The following RTN1 variants were observed in gnomAD, a reference collection of about 807,000 sequenced individuals.
RTN1 encodes reticulon-1.
RTN1 carries 25 observed loss-of-function variants against 65.5 expected under a neutral mutation model. The ratio of observed to expected loss-of-function variants is 0.38; its 90% confidence interval spans 0.28 to 0.53. The LOEUF is 0.53. Ranked by LOEUF, RTN1 falls within the 20% of genes least tolerant of loss-of-function variation. The probability of loss-of-function intolerance (pLI) is 0.79; values close to 1 mark genes in which losing one functional copy is unlikely to be tolerated. For missense variants in RTN1, 983 were observed against 1,025.4 expected, an observed-to-expected ratio of 0.96 and a Z score of 0.57; for synonymous variants, 471 against 447.6, an observed-to-expected ratio of 1.05 and a Z score of -0.66.
At chr14:59,620,303 C>G (rs1314397259) in intron 3 of RTN1, among the ~76,000 whole-genome samples, 2 of 152,062 alleles carry the variant, frequency 1.3e-5, no homozygotes, top group Non-Finnish European at 2.9e-5. Flanking sequence ...TCAAGAGGTT[C>G]CTGAGACTAA....
At chr14:59,700,261 T>C (rs138255040) in intron 3 of RTN1, among the ~76,000 whole-genome samples, 3 of 152,270 alleles carry the variant, frequency 2.0e-5, no homozygotes, top group East Asian at 3.9e-4. Flanking sequence ...AGATTTCTTA[T>C]GTTCATGAAT....
intron 1 of RTN1, among the ~76,000 whole-genome samples, chr14:59,765,202 T>G (rs1885827621): frequency 6.6e-6 from 1 of 152,030 alleles, no homozygotes; most frequent in South Asian, 2.1e-4. Flanking sequence ...GCAGATACTC[T>G]GAAAAAATAG....
chr14:59,723,805 A>G (rs765181941), intron 3 of RTN1, among the ~76,000 whole-genome samples: 2 of 152,148 alleles, frequency 1.3e-5, no homozygotes, highest in Admixed American at 1.3e-4. Context: ...CAAGCCACAC[A>G]CTTTTGAGTT....
chr14:59,680,451 A>G lies in RTN1; in HGVS notation c.1765+46468T>C, dbSNP rs114056584. Reference sequence around the variant, plus strand: ...AGTTGTCATTGTTTACAATAAGTCTATCTTTACTAATTTGAGCTAATCAGT... The same window carrying G: ...AGTTGTCATTGTTTACAATAAGTCTGTCTTTACTAATTTGAGCTAATCAGT... On this transcript the variant is annotated intron_variant, in intron 3 of 8. Transcript: ENST00000267484. 6.7e-3 allele frequency among the ~76,000 whole-genome samples: 1,015 copies of G among 152,352 alleles called. 11 individuals carry two copies. Among genetic ancestry groups the G allele is most frequent in the African/African-American group, 0.023 (961 of 41,582 alleles).
intron 1 of RTN1, among the ~76,000 whole-genome samples, chr14:59,756,626 A>G (rs1013006344): frequency 3.3e-5 from 5 of 152,168 alleles, no homozygotes; most frequent in African/African-American, 1.2e-4. Flanking sequence ...CTTTCTATTT[A>G]TCATTTACTG....
intron 1 of RTN1, among the ~76,000 whole-genome samples, chr14:59,761,175 AT>A (rs1179730292): frequency 2.0e-5 from 3 of 152,218 alleles, no homozygotes; most frequent in Non-Finnish European, 4.4e-5. Context: ...TTTGAAAGAC[AT>A]TAAAGTCAGA....
intron 1 of RTN1, among the ~76,000 whole-genome samples, chr14:59,750,251 TATATA>T (rs1183063827): frequency 6.5e-5 from 3 of 46,056 alleles, no homozygotes; most frequent in Non-Finnish European, 9.4e-5. Context: ...ATATCTATAA[TATATA>T]ATATATATAA....
At chr14:59,797,915 T>A (rs960208806) in intron 1 of RTN1, among the ~76,000 whole-genome samples, 1 of 152,184 alleles carries the variant, frequency 6.6e-6, no homozygotes. Flanking sequence ...TTTAGTCAAA[T>A]ACGAGTTTAG....
intron 1 of RTN1, among the ~76,000 whole-genome samples, chr14:59,796,507 G>A (rs1374596678): frequency 6.6e-6 from 1 of 152,082 alleles, no homozygotes; most frequent in Non-Finnish European, 1.5e-5. Context: ...AAGAATATAG[G>A]ACTTTGATAA....
intron 3 of RTN1, among the ~76,000 whole-genome samples, chr14:59,715,921 C>T (rs1201836348): frequency 6.6e-6 from 1 of 151,728 alleles, no homozygotes; most frequent in Admixed American, 6.6e-5. Flanking sequence ...TCCAAACTTT[C>T]TAGAATCATT....
At chr14:59,713,251 G>T (rs968805302) in intron 3 of RTN1, among the ~76,000 whole-genome samples, 1 of 152,162 alleles carries the variant, frequency 6.6e-6, no homozygotes, top group African/African-American at 2.4e-5. Context: ...TTGAGGGAGG[G>T]AATCTAGACA....
At chr14:59,630,399 G>C (rs1430084745) in intron 3 of RTN1, 1 of 1,611,942 alleles carries the variant, frequency 6.2e-7, no homozygotes, top group Non-Finnish European at 8.5e-7. Flanking sequence ...CCAGGTCCCG[G>C]GTTTCCCGTG....
chr14:59,705,383 G>A (rs1483734681), intron 3 of RTN1, among the ~76,000 whole-genome samples: 1 of 152,178 alleles, frequency 6.6e-6, no homozygotes, highest in East Asian at 1.9e-4. Context: ...AGGAAAACAA[G>A]GAGGAAATGC....
In RTN1 at chr14:59,727,853, G is replaced by A. The variant is rs1884814227; in HGVS notation, c.1016-185C>T. The A allele has an allele frequency of 1.3e-6, 1 of 783,570 alleles. No individual in the cohort carries two copies. The highest frequency in any genetic ancestry group is 3.0e-5 in the East Asian group (1 of 33,282). 48.5% of individuals were successfully genotyped at this position (783,570 alleles called of 1,614,324 possible). ...GCTATGCTGGAAAGACAGGCCACCT[G>A]AACTAAAAGGCTAATTACTGTTATG... On this transcript the variant is annotated intron_variant, in intron 2 of 8. Coordinates refer to ENST00000267484, the MANE Select transcript of RTN1 (RefSeq NM_021136.3). The surrounding 1 kb of genome is among the most constrained non-coding windows in gnomAD (Gnocchi z 4.2).
chr14:59,798,198 T>G (rs573236282), intron 1 of RTN1, among the ~76,000 whole-genome samples: 28 of 152,226 alleles, frequency 1.8e-4, no homozygotes, highest in Non-Finnish European at 3.5e-4. Flanking sequence ...AAGTGAATTA[T>G]GACTTGGCTA....
chr14:59,615,508 A>C (rs1882077902), intron 3 of RTN1, among the ~76,000 whole-genome samples: 1 of 152,182 alleles, frequency 6.6e-6, no homozygotes, highest in South Asian at 2.1e-4. Flanking sequence ...TGGGGCCTGA[A>C]TCTGGGCCCA....
intron 3 of RTN1, among the ~76,000 whole-genome samples, chr14:59,635,088 A>T (rs758386662): frequency 7.9e-5 from 12 of 152,236 alleles, no homozygotes; most frequent in Non-Finnish European, 1.6e-4. Context: ...CAAGACAAGT[A>T]ATAAATCAAT....
intron 3 of RTN1, among the ~76,000 whole-genome samples, chr14:59,679,893 G>A (rs1227187675): frequency 2.0e-5 from 3 of 152,134 alleles, no homozygotes; most frequent in Admixed American, 2.0e-4. Context: ...CTAACAGGTT[G>A]GGGGTTGGGG....
In RTN1 at chr14:59,825,388, C is replaced by A. The variant is rs190536490; in HGVS notation, c.241+45002G>T. 4.3e-4 allele frequency among the ~76,000 whole-genome samples: 66 copies of A among 152,328 alleles called. 1 individual carries two copies. The highest frequency in any genetic ancestry group is 8.5e-4 in the Admixed American group (13 of 15,304). On this transcript the variant is annotated intron_variant, in intron 1 of 8. Coordinates refer to ENST00000267484, the MANE Select transcript of RTN1 (RefSeq NM_021136.3). The surrounding 1 kb of genome is among the most constrained non-coding windows in gnomAD (Gnocchi z 4.2). ...CAACTGTTCTGCTGCTTCTCCCAGC[C>A]CTTTCCTGCAGGCTGAGGTACACAG...
Sources: gnomAD v4.1 joint callset for allele counts (sites outside exome capture counted in the v4.1 genomes callset) on GRCh38, gnomAD v4.1.1 for gene constraint, Gnocchi (gnomAD v3.1) non-coding constraint, MANE v1.5 for transcripts, NCBI Gene and HGNC (gene_info 2026-07-23, HGNC 2026-07-21) for gene names.